SIGIRR: variants seen among roughly 807,000 people sequenced by gnomAD.
SIGIRR encodes the protein single Ig IL-1-related receptor.
SIGIRR carries 41 observed loss-of-function variants against 45.6 expected under a neutral mutation model. The observed-to-expected ratio is 0.90, with a 90% CI of 0.70 to 1.17. The LOEUF (loss-of-function observed/expected upper bound fraction) is 1.17. Among genes scored for constraint, SIGIRR ranks in the 50% most tolerant of loss-of-function variants. SIGIRR has a pLI of 0.00. For synonymous variants in SIGIRR, 298 were observed against 239.0 expected, an observed-to-expected ratio of 1.25 and a Z score of -2.28; for missense variants, 599 against 539.6, an observed-to-expected ratio of 1.11 and a Z score of -1.09.
In SIGIRR at chr11:405,899, C is replaced by T. The variant is rs768377945; in HGVS notation, c.1230G>A (p.Met410Ile). The change falls in exon 10 of 10, where the codon ATG (methionine) becomes ATA (isoleucine). Residue 410 changes from methionine (M) to isoleucine (I), a missense_variant. Met to Ile is a conservative substitution (Grantham distance 10). Transcript: ENST00000431843. ...ATCCTGCACTCTGGGGTGGGAGCTA[C>T]ATATCATCCTTGGACACCAGGCAGT... ...DFYCLVSKDD[M>I] 9 of 1,595,832 alleles carry T rather than the reference C, an allele frequency of 5.6e-6. No homozygotes were observed. The highest frequency in any genetic ancestry group is 4.5e-5 in the South Asian group (4 of 89,626).
chr11:408,257 C>T (rs776016979), intron 3 of SIGIRR, 51 bp from the exon 4 acceptor site: 1 of 1,592,156 alleles, frequency 6.3e-7, no homozygotes, highest in Non-Finnish European at 8.5e-7. Context: ...CAGTGGACAC[C>T]CCCGAACCCC....
intron 8 of SIGIRR, 96 bp from the exon 9 acceptor site, chr11:406,634 C>G: frequency 6.8e-7 from 1 of 1,461,262 alleles, no homozygotes; most frequent in Non-Finnish European, 9.0e-7. Flanking sequence ...CCCACGGGTT[C>G]CACGCCCTGC....
intron 6 of SIGIRR, 54 bp downstream of exon 6, chr11:407,366 TGGGGC>T (rs1332330696): frequency 4.2e-5 from 51 of 1,221,606 alleles, no homozygotes; most frequent in Non-Finnish European, 3.1e-5. Context: ...GGACGGAGCA[TGGGGC>T]GGGGCGGGGC....
rs758071656 is a variant in SIGIRR at position 406,011 on chromosome 11, C to T, written c.1118G>A (p.Ser373Asn). Reference sequence around the variant, plus strand: ...CCGGCTCTCTCCCAGCGAGACCCCACTGGTGTGCGGTGGAGCTGATGGCTC... The same window carrying T: ...CCGGCTCTCTCCCAGCGAGACCCCATTGGTGTGCGGTGGAGCTGATGGCTC... ...FGEPSAPPHT[S>N]GVSLGESRSS... Residue 373 changes from serine to asparagine, a missense_variant, in exon 10 of 10, where the codon AGT becomes AAT. Physicochemically the swap from Ser to Asn is conservative, Grantham distance 46. Transcript: ENST00000431843. The T allele has an allele frequency of 6.2e-7, 1 of 1,609,816 alleles. No individual in the cohort carries two copies. The highest frequency in any genetic ancestry group is 1.1e-5 in the South Asian group (1 of 90,588).
In SIGIRR at chr11:405,815, G is replaced by T. The variant is rs1847261810; in HGVS notation, c.*81C>A. 2 of 1,471,260 alleles carry T rather than the reference G, an allele frequency of 1.4e-6. No individual in the cohort carries two copies. The highest frequency in any genetic ancestry group is 2.8e-5 in the African/African-American group (2 of 71,430). 91.1% of individuals were successfully genotyped at this position (1,471,260 alleles called of 1,614,324 possible). A position where few individuals can be genotyped will look rare whatever the true frequency, so the allele number is the denominator to read the frequency against. On this transcript the variant is annotated 3_prime_UTR_variant, in exon 10 of 10. Transcript: ENST00000431843. ...CAGGGTCCCAGGGCTGCTGGCAGGGGTTGTGGTCCTGTTGAGCAGAGGAGC... is the reference window on the plus strand; with the variant it reads ...CAGGGTCCCAGGGCTGCTGGCAGGGTTTGTGGTCCTGTTGAGCAGAGGAGC...
In SIGIRR at chr11:408,734, A is replaced by C. The variant is rs941659379; in HGVS notation, c.167T>G (p.Leu56Trp). The C allele has an allele frequency of 3.3e-5, 54 of 1,612,544 alleles. No homozygotes were observed. Among genetic ancestry groups the C allele is most frequent in the Non-Finnish European group, 4.4e-5 (52 of 1,179,946 alleles). ...GAGGCTGTAGTGGCCCCCAATTCCC[A>C]ATGGAAGCCCGTCTTTCAGCCACTG... is the stretch of plus-strand genomic sequence containing the variant. ...SVQWLKDGLP[L>W]GIGGHYSLHE... The change falls in exon 3 of 10, where the codon TTG (leucine) becomes TGG (tryptophan). Residue 56 changes from leucine to tryptophan, a missense_variant. By Grantham distance (61) the Leu-to-Trp change is moderately conservative. Coordinates refer to ENST00000431843, the MANE Select transcript of SIGIRR (RefSeq NM_001135054.2).
At position 407,116 on chromosome 11, in the gene SIGIRR, A is replaced by AATC; in HGVS notation, c.673_674insGAT (p.Ile225delinsArgPhe). 2 of 1,526,570 alleles carry AATC rather than the reference A, an allele frequency of 1.3e-6. No individual in the cohort carries two copies. The highest frequency in any genetic ancestry group is 1.5e-5 in the African/African-American group (1 of 68,886). The allele number at this position is 1,526,570 out of a possible 1,614,324, so 94.6% of individuals were successfully genotyped here. A position where few individuals can be genotyped will look rare whatever the true frequency, so the allele number is the denominator to read the frequency against. On this transcript the variant is annotated protein_altering_variant, in exon 7 of 10. Transcript: ENST00000431843. The stretch of plus-strand genomic sequence containing the variant: ...CAGGAAGGCGTCCGAAAGCACCACG[A>AATC]TGAGGCGTCGGCAGCGGCTCAGGTT...
At chr11:415,413 A>C (rs1847855814), upstream of SIGIRR, among the ~76,000 whole-genome samples, 1 of 152,098 alleles carries the variant, frequency 6.6e-6, no homozygotes, top group Non-Finnish European at 1.5e-5. This position sits in a 1 kb window ranked among gnomAD's most constrained non-coding sequence, Gnocchi z 6.6. Flanking sequence ...GCCACCCTGC[A>C]CACATACAAG....
chr11:407,376 C>CGGGGA, intron 6 of SIGIRR, 49 bp downstream of exon 6: 1 of 1,153,046 alleles, frequency 8.7e-7, no homozygotes, highest in Non-Finnish European at 1.1e-6. Context: ...TGGGGCGGGG[C>CGGGGA]GGGGCGGGCC....
At chr11:410,301 A>C (rs1449421465) in intron 1 of SIGIRR, among the ~76,000 whole-genome samples, 11 of 152,096 alleles carry the variant, frequency 7.2e-5, no homozygotes, top group Non-Finnish European at 1.6e-4. Flanking sequence ...CCCAGGGTGC[A>C]GTGGACGAAC....
chr11:408,122 G>A lies in SIGIRR; in HGVS notation c.291C>T (p.Thr97=), dbSNP rs1847435308. 6.2e-7 allele frequency: 1 copy of A among 1,612,856 alleles called. No individual in the cohort carries two copies. Among genetic ancestry groups the A allele is most frequent in the African/African-American group, 1.3e-5 (1 of 75,072 alleles). The change falls in exon 4 of 10, where the codon ACC becomes ACT. Residue 97 remains threonine, a synonymous_variant. Coordinates refer to ENST00000431843, the MANE Select transcript of SIGIRR (RefSeq NM_001135054.2). The part of the protein sequence containing the change: ...VTSTEVYGAF[T]CSIQNISFSS... ...AGAAGCTGATGTTCTGGATGGAGCA[G>A]GTGAAGGCCCCATAGACTTCAGTGC...
chr11:407,706 G>A, intron 5 of SIGIRR, 111 bp downstream of exon 5: 1 of 1,566,632 alleles, frequency 6.4e-7, no homozygotes, highest in Non-Finnish European at 8.7e-7. Flanking sequence ...GCCGCACAGA[G>A]CACCCGGGGG....
At position 408,782 on chromosome 11, in the gene SIGIRR, G is replaced by A; in HGVS notation, c.119C>T (p.Pro40Leu). 2.5e-6 allele frequency: 4 copies of A among 1,612,748 alleles called. No individual in the cohort carries two copies. Among genetic ancestry groups the A allele is most frequent in the Non-Finnish European group, 3.4e-6 (4 of 1,179,992 alleles). ...LNCTAWVVSGPHCSLPSVQWL... is the reference protein window; with the variant it reads ...LNCTAWVVSGLHCSLPSVQWL... ...CTGGACTGAAGGCAGGGAGCAGTGG[G>A]GCCCAGAGACTACCCAAGCCGTGCA... Residue 40 changes from proline (P) to leucine (L), a missense_variant, in exon 3 of 10, where the codon CCC becomes CTC. Transcript: ENST00000431843.
rs775248485 is a variant in SIGIRR at position 406,911 on chromosome 11, G to C, written c.811C>G (p.Pro271Ala). 15 of 1,593,262 alleles carry C rather than the reference G, an allele frequency of 9.4e-6. No individual in the cohort carries two copies. Among genetic ancestry groups the C allele is most frequent in the Non-Finnish European group, 1.3e-5 (15 of 1,174,846 alleles). The change falls in exon 8 of 10, where the codon CCG becomes GCG. Residue 271 changes from proline to alanine, a missense_variant. By Grantham distance (27) the Pro-to-Ala change is conservative. Coordinates refer to ENST00000431843, the MANE Select transcript of SIGIRR (RefSeq NM_001135054.2). ...FEGQRRDPAHPALRLLRQHRH... is the reference protein window; with the variant it reads ...FEGQRRDPAHAALRLLRQHRH... ...TGCTGGCGCAGCAGGCGGAGCGCCG[G>C]GTGCGCGGGGTCGCGCCTCTGGCCC...
intron 7 of SIGIRR, 25 bp from the exon 8 acceptor site, chr11:407,018 G>C: frequency 6.3e-7 from 1 of 1,587,320 alleles, no homozygotes; most frequent in South Asian, 1.1e-5. Context: ...CGTCAGGGGG[G>C]TGGGTGCTAC....
Position 407,183 on chromosome 11 carries a change from C to CGGCGGCGCAGGGGCGGG in SIGIRR, c.626-36_626-20dup. On this transcript the variant is annotated intron_variant, in intron 6 of 9. Transcript: ENST00000431843. Reference sequence around the variant, plus strand: ...GAGGGCTCTGCGGGAGGGCGGGCGTCGGCGGCGCAGGGGCGGGGGCGGGGG... The same window carrying CGGCGGCGCAGGGGCGGG: ...GAGGGCTCTGCGGGAGGGCGGGCGTCGGCGGCGCAGGGGCGGGGGCGGCGCAGGGGCGGGGGCGGGGG... The CGGCGGCGCAGGGGCGGG allele has an allele frequency of 1.6e-6, 1 of 643,174 alleles. No individual in the cohort carries two copies. The highest frequency in any genetic ancestry group is 2.0e-6 in the Non-Finnish European group (1 of 490,378). The allele number at this position is 643,174 out of a possible 1,614,324, so 39.8% of individuals were successfully genotyped here.
At chr11:415,574 C>A (rs565545177), upstream of SIGIRR, among the ~76,000 whole-genome samples, 18 of 152,312 alleles carry the variant, frequency 1.2e-4, no homozygotes, top group African/African-American at 3.6e-4. This position sits in a 1 kb window ranked among gnomAD's most constrained non-coding sequence, Gnocchi z 6.6. Flanking sequence ...GGGGCTCCAG[C>A]AGAACTCTTC....
In SIGIRR at chr11:408,910, C is replaced by T. The variant is rs758874816; in HGVS notation, c.8-17G>A. 1.8e-5 allele frequency: 29 copies of T among 1,611,484 alleles called. No homozygotes were observed. The highest frequency in any genetic ancestry group is 2.2e-5 in the Non-Finnish European group (26 of 1,179,612). On this transcript the variant is annotated splice_polypyrimidine_tract_variant and intron_variant, in intron 2 of 9. Transcript: ENST00000431843. ...CACAGACACCTGAAGAGAGAGGACA[C>T]AGTGGGTCAGCTGTGCCAGGGTGCC...
Position 406,458 on chromosome 11 carries a change from G to C in SIGIRR, c.960C>G (p.Pro320=), listed in dbSNP as rs752898907. Residue 320 remains proline, a synonymous_variant, in exon 9 of 10, where the codon CCC becomes CCG. Transcript: ENST00000431843. ...KVQYRPVEGD[P]QTQLQDDKDP... ...CCTTGTCGTCCTGCAGCTGCGTCTG[G>C]GGGTCTCCTTCCACAGGCCTGTACT... 6.2e-7 allele frequency: 1 copy of C among 1,612,652 alleles called. No individual in the cohort carries two copies. Among genetic ancestry groups the C allele is most frequent in the East Asian group, 2.2e-5 (1 of 44,876 alleles).
Sources: gnomAD v4.1 joint callset for allele counts (sites outside exome capture counted in the v4.1 genomes callset) on GRCh38, gnomAD v4.1.1 for gene constraint, Gnocchi (gnomAD v3.1) non-coding constraint, MANE v1.5 for transcripts, NCBI Gene and HGNC (gene_info 2026-07-23, HGNC 2026-07-21) for gene names.